The following IQCM variants were observed in gnomAD, a reference collection of about 807,000 sequenced individuals.
IQCM encodes IQ domain-containing protein M.
IQCM carries 45 observed loss-of-function variants against 57.6 expected under a neutral mutation model. The observed-to-expected ratio is 0.78, with a 90% confidence interval of 0.62 to 1.00. The LOEUF is 1.00. Ranked by LOEUF, IQCM falls within the 50% of genes least tolerant of loss-of-function variation. The pLI is 0.00. For missense variants in IQCM, 468 were observed against 511.6 expected (o/e 0.91, Z 0.82); for synonymous variants, 148 against 158.9 (o/e 0.93, Z 0.51).
At chr4:149,420,080 G>A (rs780668487) in intron 13 of IQCM, among the ~76,000 whole-genome samples, 15 of 152,068 alleles carry the variant, frequency 9.9e-5, no homozygotes, top group Non-Finnish European at 1.6e-4. Context: ...GAAAGATGGT[G>A]TGACAATTCT....
intron 13 of IQCM, among the ~76,000 whole-genome samples, chr4:149,387,123 G>A (rs1287834440): frequency 2.0e-5 from 3 of 151,898 alleles, no homozygotes; most frequent in Non-Finnish European, 4.4e-5. Context: ...AGTTCAACAC[G>A]GGGAAGTCCA....
At chr4:149,721,667 C>A (rs966841963) in intron 5 of IQCM, among the ~76,000 whole-genome samples, 2 of 152,114 alleles carry the variant, frequency 1.3e-5, no homozygotes, top group Non-Finnish European at 2.9e-5. Context: ...TATAAATATA[C>A]CACATTTTCT....
At chr4:149,774,012 T>C (rs1415000547) in intron 2 of IQCM, among the ~76,000 whole-genome samples, 1 of 152,204 alleles carries the variant, frequency 6.6e-6, no homozygotes, top group Non-Finnish European at 1.5e-5. Flanking sequence ...ATATACCTTA[T>C]ATATTTGTGT....
chr4:149,414,165 A>G (rs923507015), intron 13 of IQCM, among the ~76,000 whole-genome samples: 2 of 152,174 alleles, frequency 1.3e-5, no homozygotes, highest in Non-Finnish European at 2.9e-5. Flanking sequence ...CTTATAATGA[A>G]TGTTTTCCTG....
intron 2 of IQCM, among the ~76,000 whole-genome samples, chr4:149,798,245 T>C (rs1773292993): frequency 6.6e-6 from 1 of 152,018 alleles, no homozygotes; most frequent in Non-Finnish European, 1.5e-5. Context: ...TTTGCTTGTT[T>C]TTGCAAACAG....
At chr4:149,677,372 C>T (rs543292576) in intron 7 of IQCM, among the ~76,000 whole-genome samples, 1 of 152,068 alleles carries the variant, frequency 6.6e-6, no homozygotes, top group Admixed American at 6.6e-5. Context: ...CAGCCTATCC[C>T]ACTGCTGAGG....
intron 12 of IQCM, among the ~76,000 whole-genome samples, chr4:149,510,024 A>G (rs1014616949): frequency 1.3e-5 from 2 of 152,210 alleles, no homozygotes; most frequent in African/African-American, 4.8e-5. Flanking sequence ...TCTGTTTGCT[A>G]GGAAAATGTA....
chr4:149,793,010 G>A (rs191159454), intron 2 of IQCM, among the ~76,000 whole-genome samples: 219 of 152,260 alleles, frequency 1.4e-3, no homozygotes, highest in Non-Finnish European at 2.2e-3. Context: ...CCTTGACTGG[G>A]CACCTGTGAC....
intron 8 of IQCM, among the ~76,000 whole-genome samples, chr4:149,603,684 T>C (rs1473695335): frequency 1.3e-5 from 2 of 150,016 alleles, no homozygotes; most frequent in African/African-American, 4.9e-5. Flanking sequence ...CCTGACAAAA[T>C]GAGAATGGCC....
intron 2 of IQCM, among the ~76,000 whole-genome samples, chr4:149,779,529 A>G (rs1357277493): frequency 2.0e-5 from 3 of 152,186 alleles, no homozygotes; most frequent in Non-Finnish European, 4.4e-5. Context: ...AAATGATACT[A>G]GAACAAATGG....
At chr4:149,643,892 T>C (rs1758419209) in intron 7 of IQCM, among the ~76,000 whole-genome samples, 1 of 152,220 alleles carries the variant, frequency 6.6e-6, no homozygotes, top group South Asian at 2.1e-4. Context: ...TTACTCTTAA[T>C]GTATTTCTGA....
At position 149,355,237 on chromosome 4, in the gene IQCM, C is replaced by G. The variant is rs11941532; in HGVS notation, c.1391-3171G>C. Among the ~76,000 whole-genome samples the G allele has an allele frequency of 2.6e-3, 387 of 151,680 alleles. 6 individuals are homozygous for G. The highest frequency in any genetic ancestry group is 8.9e-3 in the African/African-American group (367 of 41,234). ...TCTTTAATCTTTCAAAGTAAATATT[C>G]TTTTTTTAATTTTTTATTATTGTAC... On this transcript the variant is annotated intron_variant, in intron 13 of 13. Transcript: ENST00000636793.
intron 2 of IQCM, among the ~76,000 whole-genome samples, chr4:149,754,492 T>C (rs1187487375): frequency 1.3e-5 from 2 of 152,244 alleles, no homozygotes; most frequent in African/African-American, 4.8e-5. Context: ...TGCCATTCTT[T>C]GTCAAAGTCG....
intron 7 of IQCM, among the ~76,000 whole-genome samples, chr4:149,625,984 T>C (rs559778206): frequency 1.3e-5 from 2 of 152,242 alleles, no homozygotes; most frequent in South Asian, 4.1e-4. Context: ...CTATGTTCTG[T>C]TTAATACTTT....
chr4:149,399,683 C>G (rs1179447799), intron 13 of IQCM, among the ~76,000 whole-genome samples: 2 of 152,080 alleles, frequency 1.3e-5, no homozygotes, highest in Non-Finnish European at 2.9e-5. Context: ...TTGTATGGGC[C>G]TGAATCCTGC....
intron 13 of IQCM, among the ~76,000 whole-genome samples, chr4:149,361,286 A>C (rs903197893): frequency 6.6e-6 from 1 of 152,194 alleles, no homozygotes; most frequent in African/African-American, 2.4e-5. Flanking sequence ...TTGCAGCCTG[A>C]GTATGCAATA....
intron 7 of IQCM, among the ~76,000 whole-genome samples, chr4:149,623,913 T>A (rs2150078682): frequency 6.6e-6 from 1 of 152,260 alleles, no homozygotes; most frequent in Non-Finnish European, 1.5e-5. Context: ...AATGGTCACA[T>A]CAGTTTAACA....
chr4:149,583,037 T>C (rs182039357), intron 9 of IQCM, among the ~76,000 whole-genome samples: 2 of 151,762 alleles, frequency 1.3e-5, no homozygotes, highest in East Asian at 1.9e-4. Context: ...GATATGTAAG[T>C]TGATGTACCA....
intron 12 of IQCM, among the ~76,000 whole-genome samples, chr4:149,487,840 ACT>A (rs764641323): frequency 4.0e-5 from 6 of 150,882 alleles, no homozygotes; most frequent in Non-Finnish European, 7.4e-5. Context: ...GCGATTCAAG[ACT>A]CTCTCTCTCT....
Sources: allele counts gnomAD v4.1 joint callset (sites outside exome capture counted in the v4.1 genomes callset), GRCh38; gene constraint gnomAD v4.1.1; transcripts MANE v1.5; gene names NCBI Gene and HGNC (gene_info 2026-07-23, HGNC 2026-07-21).